The following NEGR1 variants were observed in gnomAD, a reference collection of about 807,000 sequenced individuals.
NEGR1 encodes IgLON family member 4.
A neutral mutation model predicts 40.9 loss-of-function variants in NEGR1; 10 were observed. That is an observed-to-expected ratio of 0.24 (90% CI 0.15 to 0.42). The LOEUF (loss-of-function observed/expected upper bound fraction) is 0.42, where lower values mean the gene tolerates loss of function less well. Ranked by LOEUF, NEGR1 falls within the 10% of genes least tolerant of loss-of-function variation. The probability of loss-of-function intolerance (pLI) is 1.00; values close to 1 mark genes in which losing one functional copy is unlikely to be tolerated. For synonymous variants in NEGR1, 185 were observed against 166.8 expected, an observed-to-expected ratio of 1.11 and a Z score of -0.84; for missense variants, 352 against 438.9, an observed-to-expected ratio of 0.80 and a Z score of 1.77.
intron 6 of NEGR1, among the ~76,000 whole-genome samples, chr1:71,445,526 A>C (rs1646575874): frequency 2.6e-5 from 4 of 152,162 alleles, no homozygotes. Flanking sequence ...TGATGCCTGA[A>C]GATACAGTAA....
chr1:71,546,244 G>A (rs1371903307), intron 6 of NEGR1, among the ~76,000 whole-genome samples: 1 of 151,660 alleles, frequency 6.6e-6, no homozygotes, highest in Non-Finnish European at 1.5e-5. Context: ...ACACTCAACA[G>A]AGGGTAAAAT....
chr1:71,721,233 A>T (rs545787697), intron 3 of NEGR1, among the ~76,000 whole-genome samples: 14 of 152,284 alleles, frequency 9.2e-5, no homozygotes, highest in African/African-American at 3.4e-4. Flanking sequence ...CAAAAAGTCG[A>T]ATCCCTTGTC....
intron 5 of NEGR1, among the ~76,000 whole-genome samples, chr1:71,605,985 A>G (rs1394602413): frequency 6.6e-6 from 1 of 152,228 alleles, no homozygotes; most frequent in Non-Finnish European, 1.5e-5. Context: ...CCATCTTTGA[A>G]GATGGCATCA....
intron 6 of NEGR1, among the ~76,000 whole-genome samples, chr1:71,463,707 G>T (rs1483196281): frequency 6.6e-6 from 1 of 152,110 alleles, no homozygotes; most frequent in Non-Finnish European, 1.5e-5. Context: ...TAGTGAACAA[G>T]TTTCCTAGGA....
At chr1:71,581,743 T>C (rs897650613) in intron 6 of NEGR1, among the ~76,000 whole-genome samples, 1 of 151,430 alleles carries the variant, frequency 6.6e-6, no homozygotes, top group African/African-American at 2.4e-5. Context: ...CACTCTGCCG[T>C]CCAGGCTGCA....
chr1:72,026,678 C>T (rs1646813359), intron 1 of NEGR1, among the ~76,000 whole-genome samples: 1 of 152,074 alleles, frequency 6.6e-6, no homozygotes. Flanking sequence ...TGCATAACTA[C>T]AAAACTGCTA....
chr1:72,026,215 T>G (rs1646808516), intron 1 of NEGR1, among the ~76,000 whole-genome samples: 1 of 150,810 alleles, frequency 6.6e-6, no homozygotes. Context: ...GAAGTGGTTC[T>G]CATCTCAACT....
At chr1:71,823,388 T>C (rs1396344784) in intron 2 of NEGR1, among the ~76,000 whole-genome samples, 1 of 151,980 alleles carries the variant, frequency 6.6e-6, no homozygotes, top group Non-Finnish European at 1.5e-5. Flanking sequence ...TGTTATATCC[T>C]TTCTCTCATT....
In NEGR1 at chr1:72,271,809, C is replaced by G. The variant is rs72942928; in HGVS notation, c.176+10510G>C. On this transcript the variant is annotated intron_variant, in intron 1 of 6. Coordinates refer to ENST00000357731, the MANE Select transcript of NEGR1 (RefSeq NM_173808.3). ...GGGGAAGTAACTGAATCATGAGAGG[C>G]GGTCTTTCCCATGCTATTCTCATGA... is the stretch of plus-strand genomic sequence containing the variant. Among the ~76,000 whole-genome samples the G allele has an allele frequency of 2.6e-5, 4 of 151,840 alleles. No individual in the cohort carries two copies. The East Asian group carries it at 5.8e-4, about 22-fold the overall frequency.
intron 1 of NEGR1, among the ~76,000 whole-genome samples, chr1:72,217,911 T>A (rs1229042934): frequency 1.3e-5 from 2 of 151,898 alleles, no homozygotes; most frequent in Non-Finnish European, 3.0e-5. Context: ...TATCTCCAAC[T>A]AAGAAAGATG....
chr1:71,673,443 A>ACTT (rs55798905), intron 4 of NEGR1, among the ~76,000 whole-genome samples: 1 of 152,016 alleles, frequency 6.6e-6, no homozygotes, highest in Non-Finnish European at 1.5e-5. Flanking sequence ...AGTAAATTTT[A>ACTT]ATACAACTTG....
chr1:71,763,676 G>A (rs1656022597), intron 3 of NEGR1, among the ~76,000 whole-genome samples: 1 of 152,046 alleles, frequency 6.6e-6, no homozygotes, highest in African/African-American at 2.4e-5. Flanking sequence ...TGATTGGTGT[G>A]AGCTTTATGT....
At chr1:71,479,691 CT>C (rs1173937890) in intron 6 of NEGR1, among the ~76,000 whole-genome samples, 1 of 151,948 alleles carries the variant, frequency 6.6e-6, no homozygotes, top group Non-Finnish European at 1.5e-5. Context: ...TTAAACATCT[CT>C]TGCATAAAAT....
chr1:71,501,607 C>T (rs1055526064), intron 6 of NEGR1, among the ~76,000 whole-genome samples: 1 of 152,040 alleles, frequency 6.6e-6, no homozygotes, highest in Non-Finnish European at 1.5e-5. Flanking sequence ...TCTATGGGCC[C>T]TGTGAAATTA....
chr1:72,144,991 C>T (rs1650852783), intron 1 of NEGR1, among the ~76,000 whole-genome samples: 2 of 152,058 alleles, frequency 1.3e-5, no homozygotes, highest in African/African-American at 2.4e-5. Context: ...TATGTACTTG[C>T]AACAGAAACC....
chr1:71,661,426 A>T (rs1652051234), intron 4 of NEGR1, among the ~76,000 whole-genome samples: 1 of 152,224 alleles, frequency 6.6e-6, no homozygotes, highest in African/African-American at 2.4e-5. Flanking sequence ...GTAAAGGATG[A>T]GTATTCTACA....
At chr1:72,178,689 G>GTTT (rs1247429928) in intron 1 of NEGR1, among the ~76,000 whole-genome samples, 1 of 149,148 alleles carries the variant, frequency 6.7e-6, no homozygotes, top group African/African-American at 2.5e-5. Flanking sequence ...GCCAGCGTCT[G>GTTT]TTTTTTTTTG....
intron 1 of NEGR1, among the ~76,000 whole-genome samples, chr1:71,974,814 G>A (rs1646287591): frequency 6.6e-6 from 1 of 152,130 alleles, no homozygotes; most frequent in South Asian, 2.1e-4. Context: ...TCTTTGAAAA[G>A]ATGTATACCT....
At chr1:72,081,755 A>G (rs1410725228) in intron 1 of NEGR1, among the ~76,000 whole-genome samples, 1 of 152,078 alleles carries the variant, frequency 6.6e-6, no homozygotes, top group Non-Finnish European at 1.5e-5. Context: ...GTGAGTGGCA[A>G]AATTTGAACC....
Sources: allele counts gnomAD v4.1 joint callset (sites outside exome capture counted in the v4.1 genomes callset), GRCh38; gene constraint gnomAD v4.1.1; transcripts MANE v1.5; gene names NCBI Gene and HGNC (gene_info 2026-07-23, HGNC 2026-07-21).